Variants in ITGB1 observed in about 807,000 individuals in gnomAD.
ITGB1 encodes integrin beta-1.
ITGB1 carries 24 observed loss-of-function variants against 86.5 expected under a neutral mutation model. The observed-to-expected ratio is 0.28, with a 90% confidence interval of 0.20 to 0.39. The LOEUF (loss-of-function observed/expected upper bound fraction) is 0.39, where lower values mean the gene tolerates loss of function less well. Ranked by LOEUF, ITGB1 falls within the 10% of genes least tolerant of loss-of-function variation. The pLI, the probability that ITGB1 is intolerant of heterozygous loss-of-function variation, is 1.00. For synonymous variants in ITGB1, 323 were observed against 316.8 expected, an observed-to-expected ratio of 1.02 and a Z score of -0.21; for missense variants, 556 against 946.9, an observed-to-expected ratio of 0.59 and a Z score of 5.42.
intron 11 of ITGB1, among the ~76,000 whole-genome samples, chr10:32,913,433 C>T (rs776527190): frequency 4.6e-5 from 7 of 152,054 alleles, no homozygotes; most frequent in East Asian, 3.9e-4. Context: ...AAAGACTAGA[C>T]GAATGGCTAA....
intron 1 of ITGB1, among the ~76,000 whole-genome samples, chr10:32,941,623 T>C (rs185668985): frequency 6.6e-6 from 1 of 152,188 alleles, no homozygotes; most frequent in Admixed American, 6.5e-5. Flanking sequence ...CCTCTACATA[T>C]ACATGGCAGA....
At chr10:32,948,443 G>A (rs193059868) in intron 1 of ITGB1, among the ~76,000 whole-genome samples, 15 of 152,188 alleles carry the variant, frequency 9.9e-5, no homozygotes, top group African/African-American at 3.4e-4. Context: ...AAAGATTGAG[G>A]GGAGGGAATA....
chr10:32,937,549 C>T (rs1280612590), intron 1 of ITGB1, among the ~76,000 whole-genome samples: 7 of 77,004 alleles, frequency 9.1e-5, no homozygotes, highest in South Asian at 4.5e-4. Context: ...AGCGAGACTC[C>T]GTCTCAAAAA....
At chr10:32,901,757 C>G in intron 15 of ITGB1, 122 bp from the exon 16 acceptor site, 1 of 634,104 alleles carries the variant, frequency 1.6e-6, no homozygotes, top group Non-Finnish European at 2.7e-6. Context: ...TTTTATTTGT[C>G]CAGATATCAC....
chr10:32,922,118 C>G (rs1243576837), intron 9 of ITGB1, 139 bp downstream of exon 9: 2 of 518,432 alleles, frequency 3.9e-6, no homozygotes, highest in East Asian at 3.5e-5. Context: ...AGTTTTTCCT[C>G]TAGATACATA....
intron 11 of ITGB1, among the ~76,000 whole-genome samples, chr10:32,913,306 C>T (rs371577688): frequency 4.6e-5 from 7 of 152,148 alleles, no homozygotes; most frequent in Non-Finnish European, 7.3e-5. Flanking sequence ...CAAAGCCGGA[C>T]GGAGAATGAC....
rs766262164 is a variant in ITGB1, at chr10:32,928,064, G to A, written c.547+30C>T. 11 of 1,320,516 alleles carry A rather than the reference G, an allele frequency of 8.3e-6. No individual in the cohort carries two copies. In the South Asian group the frequency reaches 1.5e-4, roughly 18 times the overall value. The allele number at this position is 1,320,516 out of a possible 1,614,324, so 81.8% of individuals were successfully genotyped here. On this transcript the variant is annotated intron_variant, in intron 5 of 15. Transcript: ENST00000302278. ...TTGAGAATTGCCAAGACTTTATAAT[G>A]AAAATGGTCAATGTTCCCAACATTC...
rs1260611235 is a variant in ITGB1, at chr10:32,958,126, G to A, written c.-1+19C>T. On this transcript the variant is annotated intron_variant, in intron 1 of 15. Coordinates refer to ENST00000302278, the MANE Select transcript of ITGB1 (RefSeq NM_002211.4). ...GGCCGCGGCCCGCGCTCCCACACCC[G>A]AGGCCCGCCGGCCCCTACCTTTTCC... The A allele has an allele frequency of 4.7e-5, 7 of 149,668 alleles. No individual in the cohort carries two copies. The highest frequency in any genetic ancestry group is 2.1e-4 in the South Asian group (1 of 4,654). The allele number at this position is 149,668 out of a possible 1,614,324, so 9.3% of individuals were successfully genotyped here. A position where few individuals can be genotyped will look rare whatever the true frequency, so the allele number is the denominator to read the frequency against.
At chr10:32,920,177 C>T in intron 10 of ITGB1, 68 bp downstream of exon 10, 16 of 1,573,380 alleles carry the variant, frequency 1.0e-5, no homozygotes, top group Non-Finnish European at 1.3e-5. Flanking sequence ...TAATGTTTCT[C>T]AAACTATAAA....
chr10:32,936,546 G>A (rs1426260192), intron 1 of ITGB1, among the ~76,000 whole-genome samples: 4 of 151,194 alleles, frequency 2.6e-5, no homozygotes, highest in African/African-American at 4.9e-5. Flanking sequence ...AAAAAAAGAG[G>A]GCATAAGACA....
At chr10:32,931,691 G>C (rs2094983896) in intron 3 of ITGB1, among the ~76,000 whole-genome samples, 1 of 152,026 alleles carries the variant, frequency 6.6e-6, no homozygotes, top group Non-Finnish European at 1.5e-5. Flanking sequence ...CGACATATCT[G>C]ACACTTGACC....
At chr10:32,944,205 T>C (rs2095025730) in intron 1 of ITGB1, among the ~76,000 whole-genome samples, 1 of 152,198 alleles carries the variant, frequency 6.6e-6, no homozygotes, top group African/African-American at 2.4e-5. Flanking sequence ...AGGTTTCCAG[T>C]ACAGTGACCA....
At chr10:32,913,544 C>T (rs1197737630) in intron 11 of ITGB1, among the ~76,000 whole-genome samples, 3 of 151,946 alleles carry the variant, frequency 2.0e-5, no homozygotes, top group Non-Finnish European at 2.9e-5. Context: ...GTAGCCGATT[C>T]GATCCAGTGG....
chr10:32,915,343 T>G (rs537531183), intron 11 of ITGB1, among the ~76,000 whole-genome samples: 1 of 151,870 alleles, frequency 6.6e-6, no homozygotes. Flanking sequence ...GATAGAGACA[T>G]AAAAAGCCCT....
At chr10:32,951,943 G>C (rs1463401882) in intron 1 of ITGB1, among the ~76,000 whole-genome samples, 1 of 152,160 alleles carries the variant, frequency 6.6e-6, no homozygotes, top group African/African-American at 2.4e-5. Flanking sequence ...CTCAAACTGC[G>C]TAATTATATC....
chr10:32,920,296 A>G lies in ITGB1; in HGVS notation c.1218T>C (p.Asn406=). The change falls in exon 10 of 16, where the codon AAT becomes AAC. Residue 406 remains asparagine (N), a synonymous_variant. Coordinates refer to ENST00000302278, the MANE Select transcript of ITGB1 (RefSeq NM_002211.4). The part of the protein sequence containing the change: ...SYKSYCKNGV[N]GTGENGRKCS... ...ATTTTCTTCCATTTTCCCCTGTTCC[A>G]TTCACCCCGTTCTTGCAGTAAGATT... The G allele has an allele frequency of 1.9e-6, 3 of 1,613,608 alleles. No homozygotes were observed. The highest frequency in any genetic ancestry group is 1.1e-5 in the South Asian group (1 of 91,072).
At position 32,912,097 on chromosome 10, in the gene ITGB1, A is replaced by G; in HGVS notation, c.1497T>C (p.His499=). ...TAACTTCATCTGTGCTGCATTCACA[A>G]TGTCTACCAACACGCCCTTCATTGC... ...CRCNEGRVGR[H]CECSTDEVNS... Residue 499 remains histidine (H), a synonymous_variant, in exon 12 of 16, where the codon CAT becomes CAC. Coordinates refer to ENST00000302278, the MANE Select transcript of ITGB1 (RefSeq NM_002211.4). 2 of 1,613,952 alleles carry G rather than the reference A, an allele frequency of 1.2e-6. No homozygotes were observed. Among genetic ancestry groups the G allele is most frequent in the Non-Finnish European group, 1.7e-6 (2 of 1,179,844 alleles).
intron 1 of ITGB1, among the ~76,000 whole-genome samples, chr10:32,940,434 TA>T: frequency 6.6e-6 from 1 of 152,226 alleles, no homozygotes; most frequent in Non-Finnish European, 1.5e-5. Context: ...CACTGTAATT[TA>T]GATGCTATGC....
intron 1 of ITGB1, among the ~76,000 whole-genome samples, chr10:32,942,934 T>A (rs2095022496): frequency 6.6e-6 from 1 of 152,066 alleles, no homozygotes; most frequent in Non-Finnish European, 1.5e-5. Flanking sequence ...GAAGGGGCCA[T>A]GAGTCCAGGA....
Sources: gnomAD v4.1 joint callset for allele counts (sites outside exome capture counted in the v4.1 genomes callset) on GRCh38, gnomAD v4.1.1 for gene constraint, MANE v1.5 for transcripts, NCBI Gene and HGNC (gene_info 2026-07-23, HGNC 2026-07-21) for gene names.